GTPBP3: variants seen among roughly 807,000 people sequenced by gnomAD.
The protein encoded by GTPBP3 is 5-taurinomethyluridine-[tRNA] synthase subunit GTPB3, mitochondrial.
In GTPBP3, 35 loss-of-function variants were observed where a neutral mutation model predicts 42.0. That is an observed-to-expected ratio of 0.83 (90% CI 0.64 to 1.10). The LOEUF (loss-of-function observed/expected upper bound fraction) is 1.10, where lower values mean the gene tolerates loss of function less well. Ranked by LOEUF, GTPBP3 falls within the 50% of genes least tolerant of loss-of-function variation. The probability of loss-of-function intolerance (pLI) is 0.00; values close to 1 mark genes in which losing one functional copy is unlikely to be tolerated. For synonymous variants in GTPBP3, 332 were observed against 314.9 expected, an observed-to-expected ratio of 1.05 and a Z score of -0.58; for missense variants, 691 against 685.2, an observed-to-expected ratio of 1.01 and a Z score of -0.09.
In GTPBP3 at chr19:17,339,008, G is replaced by A. The variant is rs777342196; in HGVS notation, c.646G>A (p.Glu216Lys). Residue 216 changes from glutamate (E) to lysine (K), a missense_variant, in exon 5 of 9, where the codon GAG (glutamate) becomes AAG (lysine). By Grantham distance (56) the Glu-to-Lys change is moderately conservative. Coordinates refer to ENST00000324894, the MANE Select transcript of GTPBP3 (RefSeq NM_032620.4). ...TTTCGGCGAGGATGACAACCTGGAG[G>A]AGGGGGTCCTGGAGCAAGGTGGGTC... Reference protein sequence around the residue: ...IDFGEDDNLEEGVLEQADIEV... With the variant: ...IDFGEDDNLEKGVLEQADIEV... 14 of 1,613,892 alleles carry A rather than the reference G, an allele frequency of 8.7e-6. No homozygotes were observed. The highest frequency in any genetic ancestry group is 1.2e-5 in the Non-Finnish European group (14 of 1,179,892).
rs1261495861 is a variant in GTPBP3 at position 17,339,511 on chromosome 19, G to A, written c.886G>A (p.Gly296Arg). The change falls in exon 7 of 9, where the codon GGA becomes AGA. Residue 296 changes from glycine (G) to arginine (R), a missense_variant. By Grantham distance (125) the Gly-to-Arg change is moderately radical. Transcript: ENST00000324894. ...DVLETPVDLA[G>R]FPVLLSDTAG... is the part of the protein sequence containing the mutation. ...GCTGGAGACCCCAGTCGACCTGGCC[G>A]GATTTCCTGTGCTGCTGAGCGACAC... 2.5e-6 allele frequency: 4 copies of A among 1,613,826 alleles called. No individual in the cohort carries two copies. The highest frequency in any genetic ancestry group is 3.4e-6 in the Non-Finnish European group (4 of 1,179,988).
intron 1 of GTPBP3, 126 bp from the exon 2 acceptor site, chr19:17,337,882 A>G: frequency 7.5e-7 from 1 of 1,338,426 alleles, no homozygotes; most frequent in Non-Finnish European, 1.0e-6. Context: ...AGAACATCCA[A>G]TTTGTGCATC....
intron 7 of GTPBP3, 107 bp downstream of exon 7, chr19:17,339,706 C>A: frequency 2.7e-6 from 3 of 1,105,902 alleles, no homozygotes; most frequent in East Asian, 2.6e-5. Flanking sequence ...ACCTGCTAAG[C>A]CCTATCAAGC....
In GTPBP3 at chr19:17,338,663, G is replaced by T. The variant is rs772436276; in HGVS notation, c.513G>T (p.Ala171=). Reference sequence around the variant, plus strand: ...ACCTTATCCACGCGGAAACAGAGGCGCAGCGGCGGCAGGCCCTCAGGCAGC... The same window carrying T: ...ACCTTATCCACGCGGAAACAGAGGCTCAGCGGCGGCAGGCCCTCAGGCAGC... The part of the protein sequence containing the change: ...LADLIHAETE[A]QRRQALRQLD... The change falls in exon 4 of 9, where the codon GCG becomes GCT. Residue 171 remains alanine (A), a synonymous_variant. Transcript: ENST00000324894. The T allele has an allele frequency of 1.9e-6, 3 of 1,613,700 alleles. No homozygotes were observed. The highest frequency in any genetic ancestry group is 1.6e-4 in the Middle Eastern group (1 of 6,062).
upstream of GTPBP3, chr19:17,337,535 C>T (rs1159122738): frequency 1.3e-5 from 17 of 1,290,346 alleles, no homozygotes; most frequent in Non-Finnish European, 1.6e-5. Context: ...AGTCAAGCCG[C>T]GGAGTGGGCG....
At chr19:17,338,854 G>A in intron 4 of GTPBP3, 100 bp from the exon 5 acceptor site, 1 of 1,534,372 alleles carries the variant, frequency 6.5e-7, no homozygotes, top group Non-Finnish European at 8.8e-7. Flanking sequence ...TCCGGCCTAT[G>A]AGCCGCCATT....
Position 17,338,667 on chromosome 19 carries a change from CGGCGGCA to C in GTPBP3, c.521_527del (p.Arg174ProfsTer77), listed in dbSNP as rs2145701171. 1.9e-6 allele frequency: 3 copies of C among 1,613,734 alleles called. No homozygotes were observed. In the East Asian group the frequency reaches 6.7e-5, roughly 36 times the overall value. On this transcript the variant is annotated frameshift_variant, in exon 4 of 9. Transcript: ENST00000324894. LOFTEE classifies it high-confidence loss of function. ...TATCCACGCGGAAACAGAGGCGCAGCGGCGGCAGGCCCTCAGGCAGCTGGACGGAGAG... is the reference window on the plus strand; with the variant it reads ...TATCCACGCGGAAACAGAGGCGCAGCGGCCCTCAGGCAGCTGGACGGAGAG...
In GTPBP3 at chr19:17,339,005, G is replaced by T. The variant is rs1555726849; in HGVS notation, c.643G>T (p.Glu215Ter). The T allele has an allele frequency of 1.2e-6, 2 of 1,613,922 alleles. No individual in the cohort carries two copies. The highest frequency in any genetic ancestry group is 1.7e-6 in the Non-Finnish European group (2 of 1,179,814). The change falls in exon 5 of 9, where the codon GAG (glutamate) becomes TAG (stop). Residue 215 changes from glutamate to a stop codon, truncating the protein, a stop_gained. Coordinates refer to ENST00000324894, the MANE Select transcript of GTPBP3 (RefSeq NM_032620.4). LOFTEE classifies it high-confidence loss of function. ...YIDFGEDDNLEEGVLEQADIE... is the reference protein window; with the variant it reads ...YIDFGEDDNL ...CGATTTCGGCGAGGATGACAACCTG[G>T]AGGAGGGGGTCCTGGAGCAAGGTGG...
In GTPBP3 at chr19:17,337,800, C is replaced by G. The variant is rs550840218; in HGVS notation, c.53+136C>G. The G allele has an allele frequency of 4.5e-5, 57 of 1,260,104 alleles. No homozygotes were observed. The East Asian group carries it at 1.5e-3, about 32-fold the overall frequency. 78.1% of individuals were successfully genotyped at this position (1,260,104 alleles called of 1,614,324 possible). A position where few individuals can be genotyped will look rare whatever the true frequency, so the allele number is the denominator to read the frequency against. On this transcript the variant is annotated intron_variant, in intron 1 of 8. Coordinates refer to ENST00000324894, the MANE Select transcript of GTPBP3 (RefSeq NM_032620.4). The stretch of plus-strand genomic sequence containing the variant: ...CTTCCGTGCCTCAATCGTTCATGAC[C>G]CTTGCGGCAGAGCCCATATCTGGGT...
rs1437710672 is a variant in GTPBP3, at chr19:17,341,268, C to G, written c.1199C>G (p.Thr400Arg). 4 of 1,605,808 alleles carry G rather than the reference C, an allele frequency of 2.5e-6. No individual in the cohort carries two copies. The highest frequency in any genetic ancestry group is 1.3e-5 in the African/African-American group (1 of 74,920). Residue 400 changes from threonine to arginine, a missense_variant, in exon 8 of 9, where the codon ACG becomes AGG. Coordinates refer to ENST00000324894, the MANE Select transcript of GTPBP3 (RefSeq NM_032620.4). ...CCGCACCTGCTGCTGTCCTGTCTGA[C>G]GGGAGAGGGGCTGGACGGCCTCCTG... Reference protein sequence around the residue: ...LPPHLLLSCLTGEGLDGLLEA... With the variant: ...LPPHLLLSCLRGEGLDGLLEA...
chr19:17,335,836 A>C (rs988013799), upstream of GTPBP3, among the ~76,000 whole-genome samples: 4 of 84,470 alleles, frequency 4.7e-5, no homozygotes, highest in Admixed American at 4.8e-4. Flanking sequence ...TGTAACAACT[A>C]GCTTGTTACA....
rs1402173956 is a variant in GTPBP3 at position 17,341,464 on chromosome 19, C to G, written c.1254-14C>G. 6.2e-7 allele frequency: 1 copy of G among 1,602,488 alleles called. No individual in the cohort carries two copies. The highest frequency in any genetic ancestry group is 1.3e-5 in the African/African-American group (1 of 74,786). The stretch of plus-strand genomic sequence containing the variant: ...TAAAAGGTCGGGAGAGACCATGTCT[C>G]TTGTCTCTTCCAGGTGTGGGGACCC... On this transcript the variant is annotated splice_polypyrimidine_tract_variant and intron_variant, in intron 8 of 8. Coordinates refer to ENST00000324894, the MANE Select transcript of GTPBP3 (RefSeq NM_032620.4).
At position 17,338,036 on chromosome 19, in the gene GTPBP3, C is replaced by G. The variant is rs753642373; in HGVS notation, c.82C>G (p.Pro28Ala). The G allele has an allele frequency of 6.9e-6, 11 of 1,597,864 alleles. No homozygotes were observed. The Admixed American group carries it at 1.0e-4, about 15-fold the overall frequency. ...GTGCACGCGCCGGAGCAGCGGCGCACCAGCCCCCGGCTCCGGCGCCACCAT... is the reference window on the plus strand; with the variant it reads ...GTGCACGCGCCGGAGCAGCGGCGCAGCAGCCCCCGGCTCCGGCGCCACCAT... ...RLCTRRSSGA[P>A]APGSGATIFA... Residue 28 changes from proline to alanine, a missense_variant, in exon 2 of 9, where the codon CCA (proline) becomes GCA (alanine). Pro to Ala is a conservative substitution (Grantham distance 27, BLOSUM62 -1). Transcript: ENST00000324894.
Position 17,337,637 on chromosome 19 carries a change from C to T in GTPBP3, c.26C>T (p.Ala9Val). Residue 9 changes from alanine to valine, a missense_variant, in exon 1 of 9, where the codon GCG (alanine) becomes GTG (valine). By Grantham distance (64) the Ala-to-Val change is moderately conservative. Transcript: ENST00000324894. The stretch of plus-strand genomic sequence containing the variant: ...ATGTGGCGGGGGCTTTGGACCCTGG[C>T]GGCCCAAGCGGCACGTGGGCCTCGC... The part of the protein sequence containing the change: MWRGLWTL[A>V]AQAARGPRRL... 1 of 1,335,984 alleles carries T rather than the reference C, an allele frequency of 7.5e-7. No individual in the cohort carries two copies. Among genetic ancestry groups the T allele is most frequent in the South Asian group, 2.3e-5 (1 of 43,812 alleles). The allele number at this position is 1,335,984 out of a possible 1,614,324, so 82.8% of individuals were successfully genotyped here.
rs1303305066 is a variant in GTPBP3, at chr19:17,340,495, T to TCTGTC, written c.975-547_975-543dup. 1.9e-3 allele frequency among the ~76,000 whole-genome samples: 288 copies of TCTGTC among 149,566 alleles called. 1 individual carries two copies. The highest frequency in any genetic ancestry group is 6.8e-3 in the African/African-American group (274 of 40,368). On this transcript the variant is annotated intron_variant, in intron 7 of 8. Transcript: ENST00000324894. Reference sequence around the variant, plus strand: ...TTGCGGTCTATCCCATCCCCTGTGCTCTGTCCACCCCCTACATTCTGCCCC... The same window carrying TCTGTC: ...TTGCGGTCTATCCCATCCCCTGTGCTCTGTCCTGTCCACCCCCTACATTCTGCCCC...
chr19:17,338,737 C>T lies in GTPBP3; in HGVS notation c.587C>T (p.Thr196Ile). The change falls in exon 4 of 9, where the codon ACC (threonine) becomes ATC (isoleucine). Residue 196 changes from threonine to isoleucine, a missense_variant. Transcript: ENST00000324894. ...HLCRGWAETL[T>I]KALAHVEAYI... ...TGCCGTGGCTGGGCCGAGACCCTCA[C>T]CAAAGCAAGTCCCCCATTTGTCCAT... 6.2e-7 allele frequency: 1 copy of T among 1,605,926 alleles called. No individual in the cohort carries two copies. The highest frequency in any genetic ancestry group is 8.5e-7 in the Non-Finnish European group (1 of 1,174,690).
chr19:17,335,576 C>T (rs2074359825), upstream of GTPBP3, among the ~76,000 whole-genome samples: 1 of 152,080 alleles, frequency 6.6e-6, no homozygotes, highest in South Asian at 2.1e-4. Flanking sequence ...CATATATATA[C>T]ATACATACAT....
In GTPBP3 at chr19:17,338,088, G is replaced by C; in HGVS notation, c.134G>C (p.Arg45Pro). The C allele has an allele frequency of 6.3e-7, 1 of 1,597,332 alleles. No homozygotes were observed. Among genetic ancestry groups the C allele is most frequent in the African/African-American group, 1.3e-5 (1 of 74,948 alleles). ...TIFALSSGQG[R>P]CGIAVIRTSG... Reference sequence around the variant, plus strand: ...TTCGCGCTAAGCTCTGGCCAAGGCCGCTGCGGCATCGCAGTGATCCGGACC... The same window carrying C: ...TTCGCGCTAAGCTCTGGCCAAGGCCCCTGCGGCATCGCAGTGATCCGGACC... Residue 45 changes from arginine to proline, a missense_variant, in exon 2 of 9, where the codon CGC (arginine) becomes CCC (proline). By Grantham distance (103) the Arg-to-Pro change is moderately radical (BLOSUM62 -2). Transcript: ENST00000324894.
At chr19:17,336,228 C>T (rs1490163520), upstream of GTPBP3, among the ~76,000 whole-genome samples, 11 of 136,532 alleles carry the variant, frequency 8.1e-5, no homozygotes, top group African/African-American at 2.8e-4. Context: ...AGAGCGAGAC[C>T]CCGTCTCAAA....
Sources: allele counts gnomAD v4.1 joint callset (sites outside exome capture counted in the v4.1 genomes callset), GRCh38; gene constraint gnomAD v4.1.1; transcripts MANE v1.5; gene names NCBI Gene and HGNC (gene_info 2026-07-23, HGNC 2026-07-21).